Variants in GALNT13 observed in about 807,000 individuals in gnomAD.
GALNT13 encodes the protein UDP-GalNAc:polypeptide N-acetylgalactosaminyltransferase 13.
A neutral mutation model predicts 64.2 loss-of-function variants in GALNT13; 28 were observed. The observed-to-expected ratio is 0.44, with a 90% CI of 0.32 to 0.60. The LOEUF is 0.60. GALNT13 is among the 20% of genes least tolerant of loss of function. GALNT13 has a pLI of 0.05. For synonymous variants in GALNT13, 214 were observed against 224.6 expected, an observed-to-expected ratio of 0.95 and a Z score of 0.42; for missense variants, 577 against 669.8, an observed-to-expected ratio of 0.86 and a Z score of 1.53.
the GALNT13 span, chr2:153,592,735 G>A: frequency 6.6e-6 from 1 of 152,230 alleles, no homozygotes; most frequent in African/African-American, 2.4e-5. Context: ...AAGGACCTGG[G>A]AGAGACCCCA....
At chr2:153,946,286 T>A (rs1162427017) in intron 3 of GALNT13, among the ~76,000 whole-genome samples, 1 of 152,168 alleles carries the variant, frequency 6.6e-6, no homozygotes, top group Non-Finnish European at 1.5e-5. Context: ...AACACAAAGG[T>A]ACAGTTTTGC....
At chr2:153,682,653 T>C in the GALNT13 span, among the ~76,000 whole-genome samples, 1 of 151,928 alleles carries the variant, frequency 6.6e-6, no homozygotes, top group African/African-American at 2.4e-5. Flanking sequence ...AATTTGCACA[T>C]GAATAGATAG....
At chr2:153,724,864 G>T in the GALNT13 span, among the ~76,000 whole-genome samples, 59 of 150,410 alleles carry the variant, frequency 3.9e-4, no homozygotes, top group Non-Finnish European at 5.0e-4. Context: ...GGTGGGACTG[G>T]AAACTAGTTC....
At chr2:153,756,289 A>T in the GALNT13 span, among the ~76,000 whole-genome samples, 2 of 152,128 alleles carry the variant, frequency 1.3e-5, no homozygotes, top group African/African-American at 4.8e-5. Context: ...ATTTAGATTA[A>T]AAAGAGAAAA....
chr2:154,062,428 C>T (rs1394943287), intron 3 of GALNT13, among the ~76,000 whole-genome samples: 10 of 152,142 alleles, frequency 6.6e-5, no homozygotes, highest in Non-Finnish European at 1.3e-4. Flanking sequence ...AGTCTGTTCT[C>T]ACTCTGCTAA....
chr2:153,136,006 A>G, the GALNT13 span, among the ~76,000 whole-genome samples: 2 of 152,258 alleles, frequency 1.3e-5, no homozygotes, highest in Non-Finnish European at 2.9e-5. Context: ...AATGAGTTCT[A>G]TACAGGGGGA....
At chr2:153,689,657 A>G in the GALNT13 span, among the ~76,000 whole-genome samples, 1 of 151,998 alleles carries the variant, frequency 6.6e-6, no homozygotes. Flanking sequence ...TGTGATTCCA[A>G]TGATTCTTCC....
At chr2:154,211,827 T>C (rs751662013) in intron 4 of GALNT13, among the ~76,000 whole-genome samples, 55 of 151,648 alleles carry the variant, frequency 3.6e-4, no homozygotes, top group Non-Finnish European at 1.3e-4. Context: ...GAAGTGAGTA[T>C]GAAAGTGGAA....
chr2:153,360,278 C>T, the GALNT13 span, among the ~76,000 whole-genome samples: 2 of 152,204 alleles, frequency 1.3e-5, no homozygotes, highest in East Asian at 3.9e-4. Flanking sequence ...TGGAACTGTG[C>T]AACCGACAGA....
chr2:154,088,748 C>T (rs930952295), intron 3 of GALNT13, among the ~76,000 whole-genome samples: 2 of 152,126 alleles, frequency 1.3e-5, no homozygotes, highest in African/African-American at 4.8e-5. Context: ...CCACCATGTC[C>T]AGTCAGTGCT....
At chr2:153,516,004 G>T in the GALNT13 span, among the ~76,000 whole-genome samples, 3 of 152,108 alleles carry the variant, frequency 2.0e-5, no homozygotes, top group Non-Finnish European at 4.4e-5. Flanking sequence ...AAATCATTCT[G>T]CCTATTGCAT....
the GALNT13 span, among the ~76,000 whole-genome samples, chr2:153,263,991 A>G: frequency 1.1e-3 from 161 of 152,336 alleles, 4 homozygotes; most frequent in Admixed American, 0.01. Flanking sequence ...AAACAAAGCT[A>G]TCATCATAGT....
intron 9 of GALNT13, among the ~76,000 whole-genome samples, chr2:154,347,728 C>T (rs1696150991): frequency 6.6e-6 from 1 of 152,162 alleles, no homozygotes; most frequent in South Asian, 2.1e-4. Flanking sequence ...CCACATATTG[C>T]TGTAGGTGTG....
intron 3 of GALNT13, among the ~76,000 whole-genome samples, chr2:154,121,923 C>G (rs1379287612): frequency 6.6e-6 from 1 of 151,982 alleles, no homozygotes; most frequent in Non-Finnish European, 1.5e-5. Context: ...TGCCTTGATT[C>G]CAATCTTGTG....
chr2:153,625,573 G>A, the GALNT13 span, among the ~76,000 whole-genome samples: 6 of 152,118 alleles, frequency 3.9e-5, no homozygotes, highest in Non-Finnish European at 7.4e-5. Flanking sequence ...AGTAGGCAGT[G>A]ATATTTTACG....
At chr2:153,348,113 C>T in the GALNT13 span, among the ~76,000 whole-genome samples, 2 of 152,120 alleles carry the variant, frequency 1.3e-5, no homozygotes, top group African/African-American at 4.8e-5. Flanking sequence ...GAGGCTGACT[C>T]CTAGCTGCAG....
At chr2:154,228,957 GT>G (rs1394581999) in intron 4 of GALNT13, among the ~76,000 whole-genome samples, 2 of 152,090 alleles carry the variant, frequency 1.3e-5, no homozygotes, top group African/African-American at 4.8e-5. Context: ...ATTTGGGTCA[GT>G]TTCACTACCT....
rs910414701 is a variant in GALNT13, at chr2:154,127,466, T to G, written c.143-12871T>G. Among the ~76,000 whole-genome samples, 6 of 152,070 alleles carry G rather than the reference T, an allele frequency of 3.9e-5. No individual in the cohort carries two copies. The East Asian group carries it at 1.2e-3, about 29-fold the overall frequency. Reference sequence around the variant, plus strand: ...CAGAAGTAAATTAAAACCACATTGATTTTGTTTAAAGTAGCACAGGATTTA... The same window carrying G: ...CAGAAGTAAATTAAAACCACATTGAGTTTGTTTAAAGTAGCACAGGATTTA... On this transcript the variant is annotated intron_variant, in intron 3 of 12. Transcript: ENST00000392825.
rs1013235782 is a variant in GALNT13, at chr2:154,409,280, C to G, written c.1395+198C>G. ...AGCTGAAAAATTAAAATAAAAAGAG[C>G]AACACTTTCAGTGTGCCTACAGTTA... On this transcript the variant is annotated intron_variant, in intron 11 of 12. Coordinates refer to ENST00000392825, the MANE Select transcript of GALNT13 (RefSeq NM_052917.4). 9 of 570,196 alleles carry G rather than the reference C, an allele frequency of 1.6e-5. No homozygotes were observed. The East Asian group carries it at 2.7e-4, about 17-fold the overall frequency. 35.3% of individuals were successfully genotyped at this position (570,196 alleles called of 1,614,324 possible). A position where few individuals can be genotyped will look rare whatever the true frequency, so the allele number is the denominator to read the frequency against.
Sources: allele counts gnomAD v4.1 joint callset (sites outside exome capture counted in the v4.1 genomes callset), GRCh38; gene constraint gnomAD v4.1.1; transcripts MANE v1.5; gene names NCBI Gene and HGNC (gene_info 2026-07-23, HGNC 2026-07-21).